The following CAMTA1 variants were observed in gnomAD, a reference collection of about 807,000 sequenced individuals.
CAMTA1 encodes the protein calmodulin binding transcription activator 1, also known as calmodulin-binding transcription activator 1.
CAMTA1 carries 27 observed loss-of-function variants against 170.9 expected under a neutral mutation model. That is an observed-to-expected ratio of 0.16 (90% confidence interval 0.12 to 0.22). The LOEUF is 0.22. Ranked by LOEUF, CAMTA1 falls within the 10% of genes least tolerant of loss-of-function variation. The pLI, the probability that CAMTA1 is intolerant of heterozygous loss-of-function variation, is 1.00. For synonymous variants in CAMTA1, 833 were observed against 891.5 expected, an observed-to-expected ratio of 0.93 and a Z score of 1.17; for missense variants, 1,619 against 2,217.2, an observed-to-expected ratio of 0.73 and a Z score of 5.42.
chr1:7,139,562 A>G (rs1645774644), intron 4 of CAMTA1, among the ~76,000 whole-genome samples: 1 of 151,920 alleles, frequency 6.6e-6, no homozygotes, highest in Non-Finnish European at 1.5e-5. Flanking sequence ...CCTCTGTGAC[A>G]TTGCCCACTT....
At chr1:7,552,857 C>T (rs1282590174) in intron 6 of CAMTA1, among the ~76,000 whole-genome samples, 1 of 152,236 alleles carries the variant, frequency 6.6e-6, no homozygotes, top group Non-Finnish European at 1.5e-5. Flanking sequence ...CAGGAGGTTA[C>T]AGTCCAAGGA....
intron 3 of CAMTA1, among the ~76,000 whole-genome samples, chr1:6,926,387 T>TCTTC (rs1168554958): frequency 1.4e-5 from 2 of 147,842 alleles, no homozygotes; most frequent in African/African-American, 5.0e-5. Context: ...TCTTTCTCTG[T>TCTTC]CTTCCTTCCT....
intron 6 of CAMTA1, among the ~76,000 whole-genome samples, chr1:7,497,751 C>A (rs752623375): frequency 6.6e-6 from 1 of 152,204 alleles, no homozygotes; most frequent in Non-Finnish European, 1.5e-5. Flanking sequence ...TCAGCCATGA[C>A]GGCAGGAGAG....
intron 6 of CAMTA1, among the ~76,000 whole-genome samples, chr1:7,564,348 G>A (rs2095006415): frequency 6.6e-6 from 1 of 152,246 alleles, no homozygotes; most frequent in Admixed American, 6.5e-5. Context: ...CTACTGATGT[G>A]ATTTGTAAGG....
chr1:7,668,312 G>A (rs937999891), intron 9 of CAMTA1, among the ~76,000 whole-genome samples: 2 of 151,226 alleles, frequency 1.3e-5, no homozygotes, highest in African/African-American at 2.4e-5. Context: ...TTCTCTGAGT[G>A]GCCCTCCCTC....
chr1:6,958,632 A>G (rs1689875001), intron 3 of CAMTA1, among the ~76,000 whole-genome samples: 1 of 152,232 alleles, frequency 6.6e-6, no homozygotes, highest in Non-Finnish European at 1.5e-5. Flanking sequence ...ATGTGACGCA[A>G]TAAGCCTGCA....
chr1:7,645,185 A>C (rs547911637), intron 7 of CAMTA1, among the ~76,000 whole-genome samples: 25 of 152,208 alleles, frequency 1.6e-4, no homozygotes, highest in Non-Finnish European at 3.4e-4. Context: ...TCTGCCAGGC[A>C]GGCTCTGTGC....
intron 5 of CAMTA1, among the ~76,000 whole-genome samples, chr1:7,315,979 T>C (rs566042719): frequency 2.0e-5 from 3 of 152,284 alleles, no homozygotes; most frequent in African/African-American, 7.2e-5. Flanking sequence ...CTCAGGAAAC[T>C]TAACAATCAT....
At chr1:7,472,509 T>C (rs890041096) in intron 6 of CAMTA1, among the ~76,000 whole-genome samples, 1 of 151,814 alleles carries the variant, frequency 6.6e-6, no homozygotes, top group Non-Finnish European at 1.5e-5. Flanking sequence ...GCTCAGTCAA[T>C]AGGGGGCAAC....
At chr1:7,013,564 T>G (rs1198955130) in intron 3 of CAMTA1, among the ~76,000 whole-genome samples, 1 of 152,176 alleles carries the variant, frequency 6.6e-6, no homozygotes, top group African/African-American at 2.4e-5. Flanking sequence ...GCCATTCTGC[T>G]AAGATCAGGC....
intron 5 of CAMTA1, among the ~76,000 whole-genome samples, chr1:7,375,817 A>T (rs2086802291): frequency 1.3e-5 from 2 of 152,266 alleles, no homozygotes; most frequent in Non-Finnish European, 1.5e-5. Flanking sequence ...TAATGCAAAC[A>T]TTAAAGCTTT....
intron 4 of CAMTA1, among the ~76,000 whole-genome samples, chr1:7,186,558 A>G (rs1169322308): frequency 6.6e-6 from 1 of 152,090 alleles, no homozygotes; most frequent in African/African-American, 2.4e-5. Context: ...TGATCTGAGA[A>G]TCTGGTGACC....
intron 3 of CAMTA1, among the ~76,000 whole-genome samples, chr1:6,982,458 A>C (rs1694591991): frequency 6.6e-6 from 1 of 152,192 alleles, no homozygotes; most frequent in Non-Finnish European, 1.5e-5. Context: ...TGCCTGTGAC[A>C]TGGAGAGCGG....
At chr1:7,387,957 C>T (rs2088202277) in intron 5 of CAMTA1, among the ~76,000 whole-genome samples, 2 of 152,134 alleles carry the variant, frequency 1.3e-5, no homozygotes, top group South Asian at 2.1e-4. Flanking sequence ...CTGGGGGAGG[C>T]CTTCAGAATC....
At chr1:7,414,464 A>G (rs951062516) in intron 5 of CAMTA1, among the ~76,000 whole-genome samples, 3 of 152,114 alleles carry the variant, frequency 2.0e-5, no homozygotes, top group Admixed American at 1.3e-4. Context: ...CAGAGATTCA[A>G]CTTCTTCCTG....
chr1:7,761,673 A>G (rs1325660839), intron 22 of CAMTA1, among the ~76,000 whole-genome samples: 2 of 152,180 alleles, frequency 1.3e-5, no homozygotes, highest in African/African-American at 2.4e-5. Flanking sequence ...AAGTTTGTAT[A>G]CTGAAAAATT....
At chr1:7,508,219 G>A (rs1399008657) in intron 6 of CAMTA1, among the ~76,000 whole-genome samples, 3 of 152,178 alleles carry the variant, frequency 2.0e-5, no homozygotes, top group East Asian at 1.9e-4. Context: ...GGGCAGTGCC[G>A]GGCCCGGGCC....
intron 5 of CAMTA1, among the ~76,000 whole-genome samples, chr1:7,459,803 C>T (rs373709096): frequency 1.3e-5 from 2 of 152,208 alleles, no homozygotes; most frequent in East Asian, 3.8e-4. Flanking sequence ...GGGACTCTGG[C>T]TACGTGCCAC....
At chr1:7,230,308 G>A (rs985104792) in intron 4 of CAMTA1, among the ~76,000 whole-genome samples, 9 of 152,148 alleles carry the variant, frequency 5.9e-5, no homozygotes, top group Non-Finnish European at 1.2e-4. Flanking sequence ...TGGGGAGGAG[G>A]GTGGAAGAGG....
Sources: allele counts gnomAD v4.1 joint callset (sites outside exome capture counted in the v4.1 genomes callset), GRCh38; gene constraint gnomAD v4.1.1; transcripts MANE v1.5; gene names NCBI Gene and HGNC (gene_info 2026-07-23, HGNC 2026-07-21).